IL17RD: variants seen among roughly 807,000 people sequenced by gnomAD.
IL17RD encodes the protein interleukin-17 receptor D.
In IL17RD, 52 loss-of-function variants were observed where a neutral mutation model predicts 80.5. The ratio of observed to expected loss-of-function variants is 0.65; its 90% CI spans 0.52 to 0.81. The LOEUF (loss-of-function observed/expected upper bound fraction) is 0.81, where lower values mean the gene tolerates loss of function less well. Among genes scored for constraint, IL17RD ranks in the 40% least tolerant of loss-of-function variants. The pLI is 0.00. For synonymous variants in IL17RD, 416 were observed against 391.8 expected (o/e 1.06, Z -0.73); for missense variants, 1,024 against 955.1 (o/e 1.07, Z -0.95).
rs145766256 is a variant in IL17RD at position 57,101,202 on chromosome 3, G to A, written c.1141C>T (p.Leu381Phe). The A allele has an allele frequency of 8.7e-6, 14 of 1,613,536 alleles. No individual in the cohort carries two copies. Among genetic ancestry groups the A allele is most frequent in the Non-Finnish European group, 1.1e-5 (13 of 1,179,680 alleles). The change falls in exon 11 of 13, where the codon CTC (leucine) becomes TTC (phenylalanine). Residue 381 changes from leucine (L) to phenylalanine (F), a missense_variant. Transcript: ENST00000296318. ...ACCTCACAGCCACAGAAGTCCTGGA[G>A]GAAGTAGGCGAAACACTGGACGACA... is the stretch of plus-strand genomic sequence containing the variant. Reference protein sequence around the residue: ...MNVVQCFAYFLQDFCGCEVAL... With the variant: ...MNVVQCFAYFFQDFCGCEVAL...
intron 1 of IL17RD, among the ~76,000 whole-genome samples, chr3:57,153,449 G>A (rs1449876626): frequency 6.6e-6 from 1 of 152,196 alleles, no homozygotes; most frequent in African/African-American, 2.4e-5. Context: ...TCTTCAGAAT[G>A]TGTAGGCTAT....
rs143892890 is a variant in IL17RD at position 57,105,866 on chromosome 3, G to C, written c.738C>G (p.Thr246=). 3.4e-4 allele frequency: 548 copies of C among 1,613,582 alleles called. 2 individuals carry two copies. The highest frequency in any genetic ancestry group is 5.0e-4 in the Middle Eastern group (3 of 5,998). Residue 246 remains threonine, a synonymous_variant, in exon 7 of 13, where the codon ACC becomes ACG. Transcript: ENST00000296318. ...ACACCCAGCAGCTCACCTGCTTACA[G>C]GTCTTTCGCTTGAAAGGTCCTTCGT... ...LKHEGPFKRK[T]CKQEQTTETT... is the part of the protein sequence containing the mutation.
At chr3:57,149,599 A>G (rs1412561189) in intron 1 of IL17RD, among the ~76,000 whole-genome samples, 2 of 152,370 alleles carry the variant, frequency 1.3e-5, no homozygotes, top group South Asian at 2.1e-4. Context: ...ATTTAAATTA[A>G]GTTTAAGTAA....
rs1174456192 is a variant in IL17RD at position 57,091,155 on chromosome 3, G to T, written c.*5238C>A. 1.3e-5 allele frequency: 2 copies of T among 152,536 alleles called. No homozygotes were observed. The highest frequency in any genetic ancestry group is 4.8e-5 in the African/African-American group (2 of 41,406). 9.4% of individuals were successfully genotyped at this position (152,536 alleles called of 1,614,324 possible). On this transcript the variant is annotated 3_prime_UTR_variant, in exon 13 of 13. Transcript: ENST00000296318. ...ACTGAAGTCTGTACCATTTAATATTGTGAGTCATGAAATAAAGGTGATATC... is the reference window on the plus strand; with the variant it reads ...ACTGAAGTCTGTACCATTTAATATTTTGAGTCATGAAATAAAGGTGATATC...
In IL17RD at chr3:57,103,114, A is replaced by C. The variant is rs1323025500; in HGVS notation, c.845T>G (p.Val282Gly). The change falls in exon 9 of 13, where the codon GTG (valine) becomes GGG (glycine). Residue 282 changes from valine to glycine, a missense_variant. Val to Gly is a moderately radical substitution (Grantham distance 109). Transcript: ENST00000296318. ...ACCTGGCTTTAAGGCATAATGCATC[A>C]CTTTTCTTGTTGTGTTAGTGTCATC... Reference protein sequence around the residue: ...LVDDTNTTRKVMHYALKPVHS... With the variant: ...LVDDTNTTRKGMHYALKPVHS... 1.2e-6 allele frequency: 2 copies of C among 1,602,732 alleles called. No homozygotes were observed. The highest frequency in any genetic ancestry group is 2.3e-5 in the South Asian group (2 of 88,650).
intron 11 of IL17RD, among the ~76,000 whole-genome samples, chr3:57,100,131 T>G (rs886575284): frequency 2.6e-5 from 4 of 152,160 alleles, no homozygotes; most frequent in Admixed American, 2.0e-4. Flanking sequence ...CCCCAGAGGC[T>G]AAATACTTGT....
intron 1 of IL17RD, among the ~76,000 whole-genome samples, chr3:57,162,283 C>T (rs1161386976): frequency 6.6e-6 from 1 of 152,226 alleles, no homozygotes; most frequent in African/African-American, 2.4e-5. Context: ...CTTGGTGCTG[C>T]ACCTTGCTGC....
chr3:57,130,980 C>T lies in IL17RD; in HGVS notation c.127-10667G>A, dbSNP rs532764267. 1.4e-4 allele frequency among the ~76,000 whole-genome samples: 21 copies of T among 152,352 alleles called. No individual in the cohort carries two copies. The South Asian group carries it at 4.1e-3, about 30-fold the overall frequency. On this transcript the variant is annotated intron_variant, in intron 1 of 12. Transcript: ENST00000296318. Reference sequence around the variant, plus strand: ...GCAATTAGACCCTTCCCAGGCCAGGCGCCTTTGTCCCCTCGCTAACATCAT... The same window carrying T: ...GCAATTAGACCCTTCCCAGGCCAGGTGCCTTTGTCCCCTCGCTAACATCAT...
intron 1 of IL17RD, among the ~76,000 whole-genome samples, chr3:57,136,659 A>C (rs1433529862): frequency 6.6e-6 from 1 of 151,494 alleles, no homozygotes; most frequent in South Asian, 2.1e-4. Flanking sequence ...AAAAAAAAAA[A>C]AAAAACTTAG....
In IL17RD at chr3:57,105,937, G is replaced by A; in HGVS notation, c.667C>T (p.His223Tyr). The A allele has an allele frequency of 6.2e-7, 1 of 1,613,868 alleles. No homozygotes were observed. The highest frequency in any genetic ancestry group is 8.5e-7 in the Non-Finnish European group (1 of 1,179,812). ...TAGAAGAAACGGAAGCCGAAGTTGT[G>A]CGGTGCATGGTCGAAGGACACCTGC... ...DMQVSFDHAP[H>Y]NFGFRFFYLH... Residue 223 changes from histidine to tyrosine, a missense_variant, in exon 7 of 13, where the codon CAC becomes TAC. Transcript: ENST00000296318.
chr3:57,097,374 G>A (rs1048464803), intron 12 of IL17RD: 1 of 581,448 alleles, frequency 1.7e-6, no homozygotes, highest in Non-Finnish European at 3.1e-6. Context: ...CCCCTTGCAG[G>A]GTCTGGGCAG....
At position 57,116,910 on chromosome 3, in the gene IL17RD, C is replaced by T. The variant is rs1177845060; in HGVS notation, c.185-2093G>A. 3.2e-5 allele frequency among the ~76,000 whole-genome samples: 4 copies of T among 123,188 alleles called. No individual in the cohort carries two copies. The South Asian group carries it at 7.9e-4, about 24-fold the overall frequency. The allele number at this position is 123,188 out of a possible 152,430, so 80.8% of individuals were successfully genotyped here. ...AATATTAAAAAAAAAAAAAAAAAAG[C>T]AAGATCCTGTCATACTTGTAAAGTT... On this transcript the variant is annotated intron_variant, in intron 2 of 12. Transcript: ENST00000296318.
chr3:57,156,210 C>G (rs1408982718), intron 1 of IL17RD, among the ~76,000 whole-genome samples: 2 of 152,128 alleles, frequency 1.3e-5, no homozygotes, highest in African/African-American at 4.8e-5. Flanking sequence ...GAAAAGAGGA[C>G]AGTGAGCAGC....
chr3:57,165,263 G>A lies in IL17RD; in HGVS notation c.24C>T (p.Cys8=). The part of the protein sequence containing the change: MAPWLQL[C]SVFFTVNACL... ...AGGCGTTGACCGTAAAGAAGACGGA[G>A]CAGAGCTGCAGCCACGGGGCCATGG... Residue 8 remains cysteine, a synonymous_variant, in exon 1 of 13, where the codon TGC becomes TGT. Coordinates refer to ENST00000296318, the MANE Select transcript of IL17RD (RefSeq NM_017563.5). 1 of 1,513,402 alleles carries A rather than the reference G, an allele frequency of 6.6e-7. No homozygotes were observed. Among genetic ancestry groups the A allele is most frequent in the East Asian group, 2.8e-5 (1 of 36,204 alleles). The allele number at this position is 1,513,402 out of a possible 1,614,324, so 93.7% of individuals were successfully genotyped here.
At position 57,165,278 on chromosome 3, in the gene IL17RD, C is replaced by T; in HGVS notation, c.9G>A (p.Pro3=). 1.3e-6 allele frequency: 2 copies of T among 1,504,860 alleles called. No homozygotes were observed. Among genetic ancestry groups the T allele is most frequent in the Non-Finnish European group, 1.8e-6 (2 of 1,127,380 alleles). The allele number at this position is 1,504,860 out of a possible 1,614,324, so 93.2% of individuals were successfully genotyped here. The change falls in exon 1 of 13, where the codon CCG becomes CCA. Residue 3 remains proline (P), a synonymous_variant. Coordinates refer to ENST00000296318, the MANE Select transcript of IL17RD (RefSeq NM_017563.5). MA[P]WLQLCSVFFT... ...AGAAGACGGAGCAGAGCTGCAGCCACGGGGCCATGGCCGTGCGCTCGCCCA... is the reference window on the plus strand; with the variant it reads ...AGAAGACGGAGCAGAGCTGCAGCCATGGGGCCATGGCCGTGCGCTCGCCCA...
intron 1 of IL17RD, among the ~76,000 whole-genome samples, chr3:57,128,882 A>G (rs774102283): frequency 1.3e-5 from 2 of 152,220 alleles, no homozygotes; most frequent in Non-Finnish European, 1.5e-5. Flanking sequence ...TCACAAAGCA[A>G]AAACTCAAGT....
At chr3:57,170,224 G>T (rs1397993142), upstream of IL17RD, 2 of 152,212 alleles carry the variant, frequency 1.3e-5, no homozygotes, top group Non-Finnish European at 2.9e-5. Flanking sequence ...GTTCTGGAGC[G>T]GTGCGTACCT....
intron 1 of IL17RD, among the ~76,000 whole-genome samples, chr3:57,127,570 T>C (rs1413628632): frequency 6.6e-6 from 1 of 150,838 alleles, no homozygotes; most frequent in African/African-American, 2.4e-5. Flanking sequence ...CATGTCTGGC[T>C]AATTTTTGTA....
At chr3:57,105,552 A>AAAATATATATATATATATATATATAT in intron 7 of IL17RD, among the ~76,000 whole-genome samples, 1 of 63,588 alleles carries the variant, frequency 1.6e-5, no homozygotes, top group Non-Finnish European at 2.8e-5. Flanking sequence ...AAAAAAAAAA[A>AAAATATATATATATATATATATATAT]ATATATATAT....
Sources: allele counts gnomAD v4.1 joint callset (sites outside exome capture counted in the v4.1 genomes callset), GRCh38; gene constraint gnomAD v4.1.1; transcripts MANE v1.5; gene names NCBI Gene and HGNC (gene_info 2026-07-23, HGNC 2026-07-21).